VEZT: variants seen among roughly 807,000 people sequenced by gnomAD.
VEZT encodes the protein vezatin.
Under a neutral mutation model 79.9 loss-of-function variants are expected in VEZT, and 39 were observed. That is an observed-to-expected ratio of 0.49 (90% confidence interval 0.38 to 0.64). VEZT has a LOEUF of 0.64. VEZT is among the 30% of genes least tolerant of loss of function. The pLI is 0.00. For missense variants in VEZT, 837 were observed against 893.1 expected (o/e 0.94, Z 0.80); for synonymous variants, 325 against 327.6 (o/e 0.99, Z 0.09).
rs369868420 is a variant in VEZT at position 95,254,168 on chromosome 12, A to G, written c.168+2097A>G. ...GCTAATTTTCTTCTTTATTTTTTGT[A>G]AAGATTTAAAAATTACCACTCACTA... On this transcript the variant is annotated intron_variant, in intron 2 of 11. Transcript: ENST00000436874. Among the ~76,000 whole-genome samples the G allele has an allele frequency of 1.5e-4, 22 of 151,458 alleles. No homozygotes were observed. In the South Asian group the frequency reaches 4.4e-3, roughly 30 times the overall value.
rs2075070753 is a variant in VEZT at position 95,300,452 on chromosome 12, C to G, written c.2119C>G (p.Leu707Val). The change falls in exon 12 of 12, where the codon CTG becomes GTG. Residue 707 changes from leucine (L) to valine (V), a missense_variant. Transcript: ENST00000436874. ...EDEPQADGSG[L>V]TTAPPTPRDS... is the part of the protein sequence containing the mutation. The stretch of plus-strand genomic sequence containing the variant: ...TGAACCACAAGCAGATGGAAGTGGT[C>G]TGACCACTGCCCCTCCAACTCCCAG... 1 of 1,613,818 alleles carries G rather than the reference C, an allele frequency of 6.2e-7. No homozygotes were observed. The highest frequency in any genetic ancestry group is 1.3e-5 in the African/African-American group (1 of 74,918).
chr12:95,300,808 T>C lies in VEZT; in HGVS notation c.*135T>C. 8.1e-7 allele frequency: 1 copy of C among 1,229,750 alleles called. No homozygotes were observed. The highest frequency in any genetic ancestry group is 1.1e-6 in the Non-Finnish European group (1 of 947,596). The allele number at this position is 1,229,750 out of a possible 1,614,324, so 76.2% of individuals were successfully genotyped here. ...TGTGGATTTACAGGAAGAACCCTGG[T>C]TTGAATAACTGATCTGAAATTAGTA... On this transcript the variant is annotated 3_prime_UTR_variant, in exon 12 of 12. Transcript: ENST00000436874.
chr12:95,289,095 AATAAAT>A (rs1566297693), intron 9 of VEZT, among the ~76,000 whole-genome samples: 16 of 143,784 alleles, frequency 1.1e-4, no homozygotes, highest in African/African-American at 4.0e-4. Context: ...AAAAAAAATA[AATAAAT>A]AAATAAATAA....
chr12:95,286,359 T>C, intron 8 of VEZT: 1 of 474,260 alleles, frequency 2.1e-6, no homozygotes, highest in Middle Eastern at 7.8e-4. Context: ...AAAAAGCAAT[T>C]TCAATTTGAG....
intron 1 of VEZT, among the ~76,000 whole-genome samples, chr12:95,237,238 GCCTTA>G (rs1451720663): frequency 2.0e-5 from 3 of 151,944 alleles, no homozygotes. Flanking sequence ...GTCTCTCTGT[GCCTTA>G]GTTTCCTCAT....
At chr12:95,243,570 C>T (rs980648903) in intron 1 of VEZT, among the ~76,000 whole-genome samples, 1 of 152,130 alleles carries the variant, frequency 6.6e-6, no homozygotes, top group African/African-American at 2.4e-5. Context: ...TCAGACATTA[C>T]CTAATTTCAC....
chr12:95,266,470 G>A lies in VEZT; in HGVS notation c.548G>A (p.Arg183Lys). 6.2e-7 allele frequency: 1 copy of A among 1,613,824 alleles called. No individual in the cohort carries two copies. The highest frequency in any genetic ancestry group is 1.1e-5 in the South Asian group (1 of 91,058). ...ATTCTATTTGTGTATCTGGTCATAA[G>A]AGCTTTGAGATTATGGAGGACAGCC... Reference protein sequence around the residue: ...GVILFVYLVIRALRLWRTAKL... With the variant: ...GVILFVYLVIKALRLWRTAKL... The change falls in exon 5 of 12, where the codon AGA (arginine) becomes AAA (lysine). Residue 183 changes from arginine (R) to lysine (K), a missense_variant. Physicochemically the swap from Arg to Lys is conservative, Grantham distance 26 (BLOSUM62 2). Coordinates refer to ENST00000436874, the MANE Select transcript of VEZT (RefSeq NM_017599.4).
intron 9 of VEZT, among the ~76,000 whole-genome samples, chr12:95,289,437 A>G (rs2072083573): frequency 6.6e-6 from 1 of 150,582 alleles, no homozygotes; most frequent in Non-Finnish European, 1.5e-5. Flanking sequence ...AAAAAAAAAA[A>G]AAAAAGAAAG....
intron 1 of VEZT, chr12:95,218,737 C>T (rs959126): frequency 6.6e-6 from 1 of 152,238 alleles, no homozygotes; most frequent in African/African-American, 2.4e-5. Context: ...GGACAGAATG[C>T]TAAATGTTGA....
At chr12:95,220,088 G>A (rs530304305) in intron 1 of VEZT, among the ~76,000 whole-genome samples, 11 of 152,252 alleles carry the variant, frequency 7.2e-5, no homozygotes, top group African/African-American at 2.4e-4. Context: ...TAAGGACAGG[G>A]CACAGATCAC....
chr12:95,274,972 C>A (rs999833459), intron 7 of VEZT, 83 bp downstream of exon 7: 2 of 1,477,320 alleles, frequency 1.4e-6, no homozygotes, highest in Admixed American at 4.4e-5. Flanking sequence ...GTAAATAGTG[C>A]GTTTGTTCCA....
intron 3 of VEZT, 79 bp from the exon 4 acceptor site, chr12:95,262,827 A>G: frequency 2.3e-6 from 3 of 1,278,726 alleles, no homozygotes; most frequent in Non-Finnish European, 3.1e-6. Context: ...ACCAAATTTT[A>G]TTAGTACATT....
intron 7 of VEZT, among the ~76,000 whole-genome samples, chr12:95,280,456 C>A (rs552102571): frequency 4.9e-5 from 7 of 142,822 alleles, no homozygotes; most frequent in African/African-American, 1.3e-4. Context: ...TCTCTCCCCC[C>A]CTTTCATATG....
chr12:95,227,020 A>G (rs2136673869), intron 1 of VEZT, among the ~76,000 whole-genome samples: 1 of 152,356 alleles, frequency 6.6e-6, no homozygotes, highest in East Asian at 1.9e-4. Context: ...AATGATGGAT[A>G]CTATGTCTAA....
chr12:95,244,545 C>T (rs2061471110), intron 1 of VEZT, among the ~76,000 whole-genome samples: 1 of 151,660 alleles, frequency 6.6e-6, no homozygotes, highest in African/African-American at 2.4e-5. Flanking sequence ...CCCTACGTTG[C>T]ATTTGGGTGA....
At chr12:95,260,365 C>G (rs1264407685) in intron 3 of VEZT, among the ~76,000 whole-genome samples, 1 of 152,128 alleles carries the variant, frequency 6.6e-6, no homozygotes, top group African/African-American at 2.4e-5. Context: ...CTTAGCCTCC[C>G]AAAGTGCTGG....
At chr12:95,261,684 T>C (rs1284081460) in intron 3 of VEZT, among the ~76,000 whole-genome samples, 2 of 152,234 alleles carry the variant, frequency 1.3e-5, no homozygotes, top group African/African-American at 2.4e-5. Flanking sequence ...GTGCTGGGAC[T>C]ACAGGCGTGA....
intron 8 of VEZT, among the ~76,000 whole-genome samples, chr12:95,285,982 CTTTTTTTTTTTTTT>C (rs869030351): frequency 1.2e-5 from 1 of 85,832 alleles, no homozygotes; most frequent in African/African-American, 4.1e-5. Flanking sequence ...CCGACCCCTT[CTTTTTTTTTTTTTT>C]TTTTTTTTTT....
intron 8 of VEZT, among the ~76,000 whole-genome samples, chr12:95,284,832 T>G (rs1306890782): frequency 6.6e-6 from 1 of 152,130 alleles, no homozygotes; most frequent in Non-Finnish European, 1.5e-5. Flanking sequence ...GACATTAGCA[T>G]GTACACAATA....
Sources: gnomAD v4.1 joint callset for allele counts (sites outside exome capture counted in the v4.1 genomes callset) on GRCh38, gnomAD v4.1.1 for gene constraint, MANE v1.5 for transcripts, NCBI Gene and HGNC (gene_info 2026-07-23, HGNC 2026-07-21) for gene names.